The following ADAM32 variants were observed in gnomAD, a reference collection of about 807,000 sequenced individuals.
The protein encoded by ADAM32 is disintegrin and metalloproteinase domain-containing protein 32.
In ADAM32, 89 loss-of-function variants were observed where a neutral mutation model predicts 114.9. That is an observed-to-expected ratio of 0.77 (90% CI 0.65 to 0.92). The LOEUF (loss-of-function observed/expected upper bound fraction) is 0.92. Ranked by LOEUF, ADAM32 falls within the 40% of genes least tolerant of loss-of-function variation. The probability of loss-of-function intolerance (pLI) is 0.00; values close to 1 mark genes in which losing one functional copy is unlikely to be tolerated. For synonymous variants in ADAM32, 285 were observed against 307.5 expected, an observed-to-expected ratio of 0.93 and a Z score of 0.77; for missense variants, 870 against 932.8, an observed-to-expected ratio of 0.93 and a Z score of 0.88.
chr8:39,113,521 CTT>C (rs1040748931), intron 1 of ADAM32, among the ~76,000 whole-genome samples: 1 of 151,432 alleles, frequency 6.6e-6, no homozygotes, highest in Admixed American at 6.6e-5. Context: ...CGTTGTGACT[CTT>C]TTTTTTTGTG....
intron 11 of ADAM32, among the ~76,000 whole-genome samples, chr8:39,203,592 C>T (rs368691228): frequency 3.2e-4 from 48 of 152,228 alleles, no homozygotes; most frequent in East Asian, 2.3e-3. Flanking sequence ...TCCAATTTGC[C>T]AGTCTGTGTC....
intron 7 of ADAM32, among the ~76,000 whole-genome samples, chr8:39,162,280 G>A (rs563038494): frequency 8.0e-4 from 120 of 150,784 alleles, no homozygotes; most frequent in Middle Eastern, 3.4e-3. Flanking sequence ...TTGTCCTTGC[G>A]ATAGTTTGCT....
At chr8:39,181,028 C>G (rs866712611) in intron 10 of ADAM32, among the ~76,000 whole-genome samples, 1 of 152,202 alleles carries the variant, frequency 6.6e-6, no homozygotes, top group Non-Finnish European at 1.5e-5. Flanking sequence ...CCAATCAGCA[C>G]CCTGTCAAAA....
At position 39,284,911 on chromosome 8, in the gene ADAM32, A is replaced by G; in HGVS notation, c.*112A>G. The G allele has an allele frequency of 7.1e-7, 1 of 1,401,248 alleles. No homozygotes were observed. Among genetic ancestry groups the G allele is most frequent in the Non-Finnish European group, 1.0e-6 (1 of 1,002,872 alleles). The allele number at this position is 1,401,248 out of a possible 1,614,324, so 86.8% of individuals were successfully genotyped here. A position where few individuals can be genotyped will look rare whatever the true frequency, so the allele number is the denominator to read the frequency against. ...GAAACAATAAATTGAGTGTGGATCA[A>G]TTTGCATGCCAGCGTGTTCGTTTTT... On this transcript the variant is annotated 3_prime_UTR_variant, in exon 25 of 25. Coordinates refer to ENST00000379907, the MANE Select transcript of ADAM32 (RefSeq NM_145004.7).
At chr8:39,281,777 C>T (rs925920034) in intron 23 of ADAM32, among the ~76,000 whole-genome samples, 7 of 152,146 alleles carry the variant, frequency 4.6e-5, no homozygotes, top group Non-Finnish European at 8.8e-5. Flanking sequence ...CTGCTATGTT[C>T]GTCATGGTTT....
intron 4 of ADAM32, among the ~76,000 whole-genome samples, 169 bp downstream of exon 4, chr8:39,147,374 A>C (rs1227862529): frequency 6.6e-6 from 1 of 152,022 alleles, no homozygotes; most frequent in African/African-American, 2.4e-5. Context: ...AGATTGACTT[A>C]GCACCTTTCC....
At chr8:39,129,146 T>A (rs1802291500) in intron 2 of ADAM32, among the ~76,000 whole-genome samples, 1 of 150,666 alleles carries the variant, frequency 6.6e-6, no homozygotes, top group Non-Finnish European at 1.5e-5. Context: ...TTTTGTGGAT[T>A]CTTTGGGAGT....
intron 10 of ADAM32, among the ~76,000 whole-genome samples, chr8:39,180,116 G>A (rs1805758544): frequency 6.6e-6 from 1 of 152,218 alleles, no homozygotes; most frequent in Non-Finnish European, 1.5e-5. Context: ...GGTGTGGAGG[G>A]AGAGGCGCGA....
intron 2 of ADAM32, among the ~76,000 whole-genome samples, chr8:39,129,096 T>C (rs1316815051): frequency 6.6e-6 from 1 of 150,774 alleles, no homozygotes. Flanking sequence ...CCTTACCTAA[T>C]TTGTTCATTG....
In ADAM32 at chr8:39,118,128, T is replaced by C; in HGVS notation, c.101T>C (p.Ile34Thr). ...SLLQIVIPEK[I>T]QTNTNDSSEI... ...CTACAGATCGTAATTCCAGAGAAAATCCAAACAAATACAAATGACAGTTCA... is the reference window on the plus strand; with the variant it reads ...CTACAGATCGTAATTCCAGAGAAAACCCAAACAAATACAAATGACAGTTCA... The change falls in exon 2 of 25, where the codon ATC becomes ACC. Residue 34 changes from isoleucine (I) to threonine (T), a missense_variant. Ile to Thr is a moderately conservative substitution (Grantham distance 89, BLOSUM62 -1). Transcript: ENST00000379907. 6.7e-7 allele frequency: 1 copy of C among 1,491,634 alleles called. No individual in the cohort carries two copies. Among genetic ancestry groups the C allele is most frequent in the Non-Finnish European group, 8.9e-7 (1 of 1,117,572 alleles). The allele number at this position is 1,491,634 out of a possible 1,614,324, so 92.4% of individuals were successfully genotyped here. A position where few individuals can be genotyped will look rare whatever the true frequency, so the allele number is the denominator to read the frequency against.
chr8:39,242,192 C>T (rs745580266), intron 16 of ADAM32, among the ~76,000 whole-genome samples: 5 of 152,196 alleles, frequency 3.3e-5, no homozygotes, highest in South Asian at 4.1e-4. Context: ...TTGTTCATAT[C>T]GTTATCAGCA....
chr8:39,131,962 C>T lies in ADAM32; in HGVS notation c.139-4695C>T, dbSNP rs566064758. The T allele has an allele frequency of 2.1e-4, 63 of 301,236 alleles. 2 individuals carry two copies. The highest frequency in any genetic ancestry group is 1.5e-3 in the South Asian group (59 of 40,278). 18.7% of individuals were successfully genotyped at this position (301,236 alleles called of 1,614,324 possible). A position where few individuals can be genotyped will look rare whatever the true frequency, so the allele number is the denominator to read the frequency against. On this transcript the variant is annotated intron_variant, in intron 2 of 24. Coordinates refer to ENST00000379907, the MANE Select transcript of ADAM32 (RefSeq NM_145004.7). ...AGGCTGGAGTGTAGTGGCACGATCT[C>T]GGCTCACCTCAATCTCCGTCTCCCG...
intron 11 of ADAM32, among the ~76,000 whole-genome samples, chr8:39,204,180 C>T (rs1458034825): frequency 6.6e-6 from 1 of 152,162 alleles, no homozygotes; most frequent in African/African-American, 2.4e-5. Flanking sequence ...TGTTGGCCTG[C>T]CTTGCTAGAT....
intron 12 of ADAM32, among the ~76,000 whole-genome samples, chr8:39,215,085 T>C (rs2129448521): frequency 6.6e-6 from 1 of 152,218 alleles, no homozygotes; most frequent in South Asian, 2.1e-4. Context: ...TATACCTCTG[T>C]AGTATAATTT....
In ADAM32 at chr8:39,211,168, T is replaced by C. The variant is rs752257714; in HGVS notation, c.1077T>C (p.Phe359=). ...EVVQSNGVKT[F]SSCSLRSFQN... ...GGCAATCCAATGGTGTGAAGACTTT[T>C]AGCAGTTGCAGTTTGAGGAGCTTTC... is the stretch of plus-strand genomic sequence containing the variant. The change falls in exon 12 of 25, where the codon TTT becomes TTC. Residue 359 remains phenylalanine (F), a synonymous_variant. Coordinates refer to ENST00000379907, the MANE Select transcript of ADAM32 (RefSeq NM_145004.7). The C allele has an allele frequency of 3.1e-6, 5 of 1,598,842 alleles. No homozygotes were observed. In the South Asian group the frequency reaches 5.7e-5, roughly 18 times the overall value.
At chr8:39,216,452 T>C (rs1459262498) in intron 12 of ADAM32, among the ~76,000 whole-genome samples, 3 of 152,002 alleles carry the variant, frequency 2.0e-5, no homozygotes, top group Non-Finnish European at 4.4e-5. Flanking sequence ...GTTATTTGTC[T>C]TTCTTCTTCC....
intron 15 of ADAM32, among the ~76,000 whole-genome samples, chr8:39,232,903 A>G (rs1809841905): frequency 6.6e-6 from 1 of 152,190 alleles, no homozygotes; most frequent in Admixed American, 6.5e-5. Flanking sequence ...TCATATTAAT[A>G]TCATAAACCA....
Position 39,212,318 on chromosome 8 carries a change from A to AT in ADAM32, c.1233+1002dup, listed in dbSNP as rs1023810781. ...CATGAGCTACCACACCTGGTTCTTG[A>AT]TTTTTTTTAAAAAAATCAATCTTAT... On this transcript the variant is annotated intron_variant, in intron 12 of 24. Transcript: ENST00000379907. Among the ~76,000 whole-genome samples the AT allele has an allele frequency of 1.9e-4, 29 of 152,078 alleles. 1 individual carries two copies. Among genetic ancestry groups the AT allele is most frequent in the South Asian group, 6.2e-4 (3 of 4,806 alleles).
chr8:39,266,082 G>A (rs1206666643), intron 19 of ADAM32, among the ~76,000 whole-genome samples: 1 of 152,090 alleles, frequency 6.6e-6, no homozygotes, highest in Non-Finnish European at 1.5e-5. Flanking sequence ...CTTCTCCCAA[G>A]CTGCCTTTAA....
Sources: allele counts gnomAD v4.1 joint callset (sites outside exome capture counted in the v4.1 genomes callset), GRCh38; gene constraint gnomAD v4.1.1; transcripts MANE v1.5; gene names NCBI Gene and HGNC (gene_info 2026-07-23, HGNC 2026-07-21).